GLRX3: variants seen among roughly 807,000 people sequenced by gnomAD.
The protein encoded by GLRX3 is glutaredoxin-3.
A neutral mutation model predicts 49.5 loss-of-function variants in GLRX3; 22 were observed. The ratio of observed to expected loss-of-function variants is 0.44; its 90% CI spans 0.32 to 0.63. GLRX3 has a LOEUF of 0.63. Ranked by LOEUF, GLRX3 falls within the 30% of genes least tolerant of loss-of-function variation. The probability of loss-of-function intolerance (pLI) is 0.05; values close to 1 mark genes in which losing one functional copy is unlikely to be tolerated. For missense variants in GLRX3, 385 were observed against 396.3 expected (o/e 0.97, Z 0.24); for synonymous variants, 133 against 140.0 (o/e 0.95, Z 0.35).
chr10:130,148,181 A>C (rs1862303257), intron 2 of GLRX3, among the ~76,000 whole-genome samples: 1 of 152,100 alleles, frequency 6.6e-6, no homozygotes, highest in African/African-American at 2.4e-5. Context: ...CTTATTGCCC[A>C]GGCTGTAGTG....
chr10:130,162,212 T>G (rs989505465), intron 4 of GLRX3, among the ~76,000 whole-genome samples: 2 of 152,178 alleles, frequency 1.3e-5, no homozygotes. Context: ...ACTCCTGACC[T>G]CAGGTGATCC....
chr10:130,172,049 T>C lies in GLRX3; in HGVS notation c.824+413T>C, dbSNP rs1862820841. Among the ~76,000 whole-genome samples the C allele has an allele frequency of 1.3e-5, 2 of 152,206 alleles. 1 individual carries two copies. The highest frequency in any genetic ancestry group is 1.3e-4 in the Admixed American group (2 of 15,284). ...ATGTCTATATCCATACATATCTGTA[T>C]CTTTCTTTATTTTTTGCTGTATTGT... On this transcript the variant is annotated intron_variant, in intron 8 of 10. Coordinates refer to ENST00000331244, the MANE Select transcript of GLRX3 (RefSeq NM_006541.5).
intron 1 of GLRX3, among the ~76,000 whole-genome samples, chr10:130,139,191 A>G (rs990964828): frequency 6.6e-6 from 1 of 151,732 alleles, no homozygotes; most frequent in African/African-American, 2.4e-5. Flanking sequence ...TACCATTTGG[A>G]TGTTGTATCC....
chr10:130,163,055 CTTAT>C (rs1862607103), intron 4 of GLRX3, among the ~76,000 whole-genome samples: 2 of 152,130 alleles, frequency 1.3e-5, no homozygotes, highest in African/African-American at 2.4e-5. Context: ...TTATATTAAA[CTTAT>C]TTAAATTATG....
Position 130,136,483 on chromosome 10 carries a change from G to T in GLRX3, c.63G>T (p.Gln21His). ...AAVEEVGSAGQFEELLRLKAK... is the reference protein window; with the variant it reads ...AAVEEVGSAGHFEELLRLKAK... ...TGGAGGAGGTCGGCTCAGCCGGGCA[G>T]TTTGAGGAGCTGCTGCGCCTCAAAG... Residue 21 changes from glutamine (Q) to histidine (H), a missense_variant, in exon 1 of 11, where the codon CAG becomes CAT. This residue lies in a region of GLRX3 where 374 missense variants were observed against 358.6 expected (regional missense o/e 1.04). Transcript: ENST00000331244. 7.9e-7 allele frequency: 1 copy of T among 1,266,442 alleles called. No homozygotes were observed. Among genetic ancestry groups the T allele is most frequent in the Non-Finnish European group, 1.0e-6 (1 of 999,920 alleles). 78.5% of individuals were successfully genotyped at this position (1,266,442 alleles called of 1,614,324 possible). A position where few individuals can be genotyped will look rare whatever the true frequency, so the allele number is the denominator to read the frequency against.
chr10:130,163,029 G>A (rs1011488135), intron 4 of GLRX3, among the ~76,000 whole-genome samples: 1 of 152,140 alleles, frequency 6.6e-6, no homozygotes, highest in African/African-American at 2.4e-5. Context: ...AAAATATACT[G>A]CTAGCATTTT....
At chr10:130,156,583 G>T (rs556597400) in intron 2 of GLRX3, among the ~76,000 whole-genome samples, 2 of 143,616 alleles carry the variant, frequency 1.4e-5, no homozygotes, top group African/African-American at 5.6e-5. Context: ...ATACGTGTGA[G>T]GATTAAGTGA....
chr10:130,150,004 C>T (rs1298291849), intron 2 of GLRX3, among the ~76,000 whole-genome samples: 7 of 149,680 alleles, frequency 4.7e-5, no homozygotes, highest in East Asian at 3.9e-4. Context: ...TTTGGGAGGC[C>T]GAGGCGGGTG....
chr10:130,145,117 GCTTT>G (rs1862246223), intron 1 of GLRX3, 90 bp from the exon 2 acceptor site: 1 of 543,634 alleles, frequency 1.8e-6, no homozygotes, highest in Non-Finnish European at 3.2e-6. Context: ...TTCTTTTAAA[GCTTT>G]CTTTTTTTTC....
intron 1 of GLRX3, among the ~76,000 whole-genome samples, chr10:130,141,077 CTG>C (rs1266505057): frequency 6.6e-6 from 1 of 152,156 alleles, no homozygotes; most frequent in Non-Finnish European, 1.5e-5. Flanking sequence ...TGGCTCATGA[CTG>C]TAATCCCAGC....
chr10:130,167,895 CT>C (rs1349041226), intron 6 of GLRX3, among the ~76,000 whole-genome samples: 2 of 152,256 alleles, frequency 1.3e-5, no homozygotes, highest in Admixed American at 1.3e-4. Flanking sequence ...CTCCTCATCC[CT>C]TTTTTGACTC....
At chr10:130,165,046 C>T (rs951586788) in intron 4 of GLRX3, among the ~76,000 whole-genome samples, 1 of 152,214 alleles carries the variant, frequency 6.6e-6, no homozygotes, top group Non-Finnish European at 1.5e-5. Flanking sequence ...GTTTAGAGCT[C>T]ACTTGTAGAT....
At chr10:130,167,006 A>C (rs1417196396) in intron 6 of GLRX3, 26 bp downstream of exon 6, 11 of 1,280,344 alleles carry the variant, frequency 8.6e-6, no homozygotes, top group Non-Finnish European at 1.2e-5. Flanking sequence ...GGTTTCAAAT[A>C]GCCTATCATT....
At chr10:130,160,462 G>A (rs1181342425) in intron 3 of GLRX3, among the ~76,000 whole-genome samples, 2 of 152,150 alleles carry the variant, frequency 1.3e-5, no homozygotes, top group African/African-American at 4.8e-5. Context: ...GCACACCTGT[G>A]CTTCCAGGCA....
At chr10:130,161,132 T>C in intron 4 of GLRX3, 135 bp downstream of exon 4, 1 of 643,112 alleles carries the variant, frequency 1.6e-6, no homozygotes, top group Non-Finnish European at 2.7e-6. Context: ...TTTTAGAAAA[T>C]CAAAAAGGTT....
In GLRX3 at chr10:130,166,569, A is replaced by G. The variant is rs549281423; in HGVS notation, c.541A>G (p.Ile181Val). Residue 181 changes from isoleucine (I) to valine (V), a missense_variant, in exon 5 of 11, where the codon ATC (isoleucine) becomes GTC (valine). Physicochemically the swap from Ile to Val is conservative, Grantham distance 29. Coordinates refer to ENST00000331244, the MANE Select transcript of GLRX3 (RefSeq NM_006541.5). ...TAATATTCAGTTTAGCAGTTTTGAT[A>G]TCTTCTCAGATGAAGAGGTTCGACA... ...KHNIQFSSFDIFSDEEVRQGL... is the reference protein window; with the variant it reads ...KHNIQFSSFDVFSDEEVRQGL... 76 of 1,611,262 alleles carry G rather than the reference A, an allele frequency of 4.7e-5. No individual in the cohort carries two copies. The South Asian group carries it at 8.2e-4, about 17-fold the overall frequency.
At chr10:130,161,118 A>G (rs552987644) in intron 4 of GLRX3, 121 bp downstream of exon 4, 28 of 672,694 alleles carry the variant, frequency 4.2e-5, no homozygotes, top group Middle Eastern at 8.2e-4. Flanking sequence ...TTGTGTTCAC[A>G]TACTTTTAGA....
intron 1 of GLRX3, among the ~76,000 whole-genome samples, chr10:130,140,305 G>A (rs1862149413): frequency 6.6e-6 from 1 of 152,160 alleles, no homozygotes; most frequent in Non-Finnish European, 1.5e-5. Flanking sequence ...TTGTCTGATG[G>A]TTTTTCTCCA....
At chr10:130,136,588 C>G in intron 1 of GLRX3, 76 bp downstream of exon 1, 7 of 1,237,010 alleles carry the variant, frequency 5.7e-6, no homozygotes, top group Non-Finnish European at 7.1e-6. Context: ...TGTGGGGCGG[C>G]GGGTGGCCCA....
Sources: allele counts gnomAD v4.1 joint callset (sites outside exome capture counted in the v4.1 genomes callset), GRCh38; gene constraint gnomAD v4.1.1; regional missense constraint gnomAD v4.1.1; transcripts MANE v1.5; gene names NCBI Gene and HGNC (gene_info 2026-07-23, HGNC 2026-07-21).